KCNH7: variants seen among roughly 807,000 people sequenced by gnomAD.
KCNH7 encodes potassium voltage-gated channel subfamily H member 7.
A neutral mutation model predicts 120.8 loss-of-function variants in KCNH7; 49 were observed. The ratio of observed to expected loss-of-function variants is 0.41; its 90% confidence interval spans 0.32 to 0.51. The LOEUF is 0.51. Ranked by LOEUF, KCNH7 falls within the 20% of genes least tolerant of loss-of-function variation. The pLI, the probability that KCNH7 is intolerant of heterozygous loss-of-function variation, is 0.38. For missense variants in KCNH7, 1,097 were observed against 1,446.6 expected, an observed-to-expected ratio of 0.76 and a Z score of 3.92; for synonymous variants, 547 against 516.1, an observed-to-expected ratio of 1.06 and a Z score of -0.81.
intron 6 of KCNH7, among the ~76,000 whole-genome samples, chr2:162,494,410 G>A (rs775788305): frequency 1.1e-4 from 16 of 152,010 alleles, no homozygotes; most frequent in Non-Finnish European, 1.8e-4. Flanking sequence ...GCTAGAGAGG[G>A]CCCCTGGAGC....
intron 2 of KCNH7, among the ~76,000 whole-genome samples, chr2:162,733,305 T>C (rs1465527020): frequency 6.6e-6 from 1 of 152,220 alleles, no homozygotes; most frequent in Non-Finnish European, 1.5e-5. Context: ...CCCATGTAGA[T>C]TACATTATTG....
chr2:162,549,407 T>A (rs1012522856), intron 2 of KCNH7, among the ~76,000 whole-genome samples: 1 of 152,226 alleles, frequency 6.6e-6, no homozygotes, highest in African/African-American at 2.4e-5. Context: ...TTCCTTCTTT[T>A]TGCCTGATGA....
At chr2:162,753,007 A>G (rs910542332) in intron 2 of KCNH7, among the ~76,000 whole-genome samples, 3 of 148,370 alleles carry the variant, frequency 2.0e-5, no homozygotes, top group Non-Finnish European at 3.0e-5. Context: ...AGAAAAGAAA[A>G]GAAAAGAAAA....
At chr2:162,484,923 T>G (rs1167786137) in intron 6 of KCNH7, among the ~76,000 whole-genome samples, 2 of 152,170 alleles carry the variant, frequency 1.3e-5, no homozygotes, top group Non-Finnish European at 2.9e-5. Flanking sequence ...TGCCCAATCT[T>G]GAACTTTCCA....
chr2:162,659,059 A>G (rs1310326302), intron 2 of KCNH7, among the ~76,000 whole-genome samples: 1 of 152,202 alleles, frequency 6.6e-6, no homozygotes, highest in Non-Finnish European at 1.5e-5. Context: ...CTTAGAGGGA[A>G]CAACTACTAG....
At chr2:162,535,119 G>A (rs1425283346) in intron 3 of KCNH7, among the ~76,000 whole-genome samples, 2 of 151,624 alleles carry the variant, frequency 1.3e-5, no homozygotes, top group Non-Finnish European at 3.0e-5. Context: ...CAACTCACAT[G>A]TCATTATTTC....
intron 5 of KCNH7, among the ~76,000 whole-genome samples, chr2:162,506,428 A>G (rs1690884889): frequency 6.6e-6 from 1 of 151,720 alleles, no homozygotes; most frequent in Non-Finnish European, 1.5e-5. Context: ...ATATCTTAAT[A>G]TTTACAGTTT....
At chr2:162,498,877 A>G (rs191028340) in intron 6 of KCNH7, among the ~76,000 whole-genome samples, 11 of 152,208 alleles carry the variant, frequency 7.2e-5, no homozygotes, top group African/African-American at 2.4e-4. Context: ...AAAAATGTAT[A>G]TAGCTCACCC....
chr2:162,786,206 G>A (rs1683695553), intron 2 of KCNH7, among the ~76,000 whole-genome samples: 1 of 139,282 alleles, frequency 7.2e-6, no homozygotes, highest in Non-Finnish European at 1.5e-5. Flanking sequence ...TCACACCAGT[G>A]CACTCCAGCC....
chr2:162,376,772 C>A (rs1215162862), intron 14 of KCNH7, among the ~76,000 whole-genome samples: 1 of 152,024 alleles, frequency 6.6e-6, no homozygotes, highest in Non-Finnish European at 1.5e-5. Context: ...AATAAGACCC[C>A]CAAGTGATTC....
At chr2:162,761,381 C>T (rs535095146) in intron 2 of KCNH7, among the ~76,000 whole-genome samples, 9 of 152,098 alleles carry the variant, frequency 5.9e-5, no homozygotes, top group Non-Finnish European at 8.8e-5. Context: ...CCTTACAACC[C>T]GAACATATGA....
intron 6 of KCNH7, among the ~76,000 whole-genome samples, chr2:162,458,150 T>A (rs1689033318): frequency 6.6e-6 from 1 of 151,282 alleles, no homozygotes; most frequent in Non-Finnish European, 1.5e-5. Context: ...GGAGTAGGGA[T>A]GATTGTATAA....
intron 9 of KCNH7, among the ~76,000 whole-genome samples, chr2:162,415,663 C>A (rs1687520107): frequency 6.6e-6 from 1 of 151,988 alleles, no homozygotes. Context: ...AAACTTATGA[C>A]AACCAATCAT....
chr2:162,514,447 A>G (rs979118813), intron 4 of KCNH7, among the ~76,000 whole-genome samples: 2 of 151,752 alleles, frequency 1.3e-5, no homozygotes, highest in African/African-American at 4.8e-5. Flanking sequence ...TTCCAAGAAA[A>G]CTAACAAAAC....
intron 2 of KCNH7, among the ~76,000 whole-genome samples, chr2:162,648,940 C>T (rs1684475550): frequency 6.6e-6 from 1 of 152,120 alleles, no homozygotes; most frequent in Non-Finnish European, 1.5e-5. Flanking sequence ...TACACATTTG[C>T]TTACTTATGT....
chr2:162,512,115 A>G (rs1320629005), intron 5 of KCNH7, among the ~76,000 whole-genome samples: 1 of 151,784 alleles, frequency 6.6e-6, no homozygotes, highest in East Asian at 2.0e-4. Flanking sequence ...GAACAAAATT[A>G]AAATGATTAA....
Position 162,384,894 on chromosome 2 carries a change from T to C in KCNH7, c.2756A>G (p.His919Arg). 6.2e-7 allele frequency: 1 copy of C among 1,612,176 alleles called. No homozygotes were observed. The highest frequency in any genetic ancestry group is 1.1e-5 in the South Asian group (1 of 91,040). Reference sequence around the variant, plus strand: ...AAAGTGTCTCTTGGAACTCTGATAATGTCTTATGGTATCTGCAGAGTCTTC... The same window carrying C: ...AAAGTGTCTCTTGGAACTCTGATAACGTCTTATGGTATCTGCAGAGTCTTC... The part of the protein sequence containing the change: ...DPEDSADTIR[H>R]YQSSKRHFEE... The change falls in exon 13 of 16, where the codon CAT (histidine) becomes CGT (arginine). Residue 919 changes from histidine (H) to arginine (R), a missense_variant. Physicochemically the swap from His to Arg is conservative, Grantham distance 29. This residue lies in a region of KCNH7 where 406 missense variants were observed against 410.5 expected (regional missense o/e 0.99). Coordinates refer to ENST00000332142, the MANE Select transcript of KCNH7 (RefSeq NM_033272.4).
chr2:162,446,989 G>A (rs938286711), intron 6 of KCNH7, among the ~76,000 whole-genome samples: 6 of 151,888 alleles, frequency 4.0e-5, no homozygotes, highest in African/African-American at 1.2e-4. Context: ...AACATTAGGG[G>A]AAAAAAGGCA....
intron 2 of KCNH7, among the ~76,000 whole-genome samples, chr2:162,629,439 G>A (rs1683682960): frequency 6.6e-6 from 1 of 152,034 alleles, no homozygotes; most frequent in Non-Finnish European, 1.5e-5. Context: ...AGGAAGTGTA[G>A]ATGCAATGAA....
Sources: gnomAD v4.1 joint callset for allele counts (sites outside exome capture counted in the v4.1 genomes callset) on GRCh38, gnomAD v4.1.1 for gene constraint, gnomAD v4.1.1 regional missense constraint, MANE v1.5 for transcripts, NCBI Gene and HGNC (gene_info 2026-07-23, HGNC 2026-07-21) for gene names.